COL18A1: variants seen among roughly 807,000 people sequenced by gnomAD.
The protein encoded by COL18A1 is collagen type XVIII alpha 1 chain.
A neutral mutation model predicts 168.0 loss-of-function variants in COL18A1; 133 were observed. The observed-to-expected ratio is 0.79, with a 90% CI of 0.69 to 0.91. COL18A1 has a LOEUF of 0.91. Ranked by LOEUF, COL18A1 falls within the 40% of genes least tolerant of loss-of-function variation. The probability of loss-of-function intolerance (pLI) is 0.00; values close to 1 mark genes in which losing one functional copy is unlikely to be tolerated. For missense variants in COL18A1, 2,126 were observed against 1,925.4 expected (o/e 1.10, Z -1.95); for synonymous variants, 949 against 809.0 (o/e 1.17, Z -2.94).
At chr21:45,494,068 G>A (rs574252794) in intron 26 of COL18A1, 1 of 288,398 alleles carries the variant, frequency 3.5e-6, no homozygotes, top group African/African-American at 2.2e-5. Flanking sequence ...GAGAAGCCTG[G>A]ATCTTTGGAG....
At position 45,477,895 on chromosome 21, in the gene COL18A1, C is replaced by T. The variant is rs918305461; in HGVS notation, c.1151C>T (p.Thr384Ile). Residue 384 changes from threonine to isoleucine, a missense_variant, in exon 8 of 42, where the codon ACT becomes ATT. Transcript: ENST00000651438. The part of the protein sequence containing the change: ...PLGPAGPALQ[T>I]VPGPQGPPGP... ...GGTCCTGCAGGCCCAGCGTTGCAAA[C>T]TGTCCCCGGACCACAAGGACCCCCA... The T allele has an allele frequency of 6.4e-7, 1 of 1,564,434 alleles. No individual in the cohort carries two copies. Among genetic ancestry groups the T allele is most frequent in the Non-Finnish European group, 8.7e-7 (1 of 1,154,530 alleles).
chr21:45,459,439 C>T (rs913214337), intron 2 of COL18A1, among the ~76,000 whole-genome samples: 1 of 152,198 alleles, frequency 6.6e-6, no homozygotes, highest in Non-Finnish European at 1.5e-5. Context: ...GGAGTATGTG[C>T]CCCTGAGGGG....
intron 2 of COL18A1, among the ~76,000 whole-genome samples, chr21:45,464,006 A>G (rs996630939): frequency 3.9e-5 from 6 of 152,226 alleles, no homozygotes; most frequent in African/African-American, 1.4e-4. Context: ...TGCGGGGAGA[A>G]ACTCCCTATG....
chr21:45,440,713 C>A (rs1325739714), intron 2 of COL18A1, among the ~76,000 whole-genome samples: 1 of 152,068 alleles, frequency 6.6e-6, no homozygotes, highest in East Asian at 1.9e-4. Context: ...CCACGTTCCC[C>A]GGAAGCAGTC....
Position 45,491,385 on chromosome 21 carries a change from G to GC in COL18A1, c.2157+79dup, listed in dbSNP as rs148502711. On this transcript the variant is annotated intron_variant, in intron 22 of 41. Transcript: ENST00000651438. ...ACGGGGTGCAGAGATCCCTCCCCGA[G>GC]CCCCCCCCACACCCCCACATCCCCC... The GC allele has an allele frequency of 0.38, 273,370 of 715,316 alleles. 51,689 individuals carry two copies. The highest frequency in any genetic ancestry group is 0.54 in the African/African-American group (25,535 of 47,442). 44.3% of individuals were successfully genotyped at this position (715,316 alleles called of 1,614,324 possible).
chr21:45,431,195 C>T (rs1257154263), intron 2 of COL18A1, among the ~76,000 whole-genome samples: 9 of 152,144 alleles, frequency 5.9e-5, no homozygotes, highest in Non-Finnish European at 8.8e-5. Context: ...CAAGGGTGGG[C>T]GACGGACAGA....
chr21:45,438,455 G>A (rs929374839), intron 2 of COL18A1, among the ~76,000 whole-genome samples: 2 of 152,220 alleles, frequency 1.3e-5, no homozygotes, highest in African/African-American at 4.8e-5. Flanking sequence ...GCTCATCCCT[G>A]GGTGCCTGGG....
rs539118914 is a variant in COL18A1, at chr21:45,472,227, T to G, written c.652-1668T>G. On this transcript the variant is annotated intron_variant, in intron 3 of 41. Coordinates refer to ENST00000651438, the MANE Select transcript of COL18A1 (RefSeq NM_001379500.1). ...CCAGTGGAGAAGCGCAGTTTTTTTT[T>G]TTTGTTTTTTTTTTGAGACGGAGTC... Among the ~76,000 whole-genome samples the G allele has an allele frequency of 3.9e-3, 595 of 151,730 alleles. 5 individuals are homozygous for G. The highest frequency in any genetic ancestry group is 0.012 in the African/African-American group (486 of 41,400).
chr21:45,405,596 C>T (rs1471671735), intron 2 of COL18A1, 123 bp downstream of exon 2: 26 of 508,796 alleles, frequency 5.1e-5, no homozygotes, highest in Non-Finnish European at 7.1e-5. Context: ...CCCGGCCCTG[C>T]CCACGCGCGC....
intron 2 of COL18A1, among the ~76,000 whole-genome samples, chr21:45,447,323 A>C (rs1391072345): frequency 6.6e-6 from 1 of 152,056 alleles, no homozygotes; most frequent in Non-Finnish European, 1.5e-5. Flanking sequence ...TAATCCACAA[A>C]AAAACTATTA....
chr21:45,491,476 C>T lies in COL18A1; in HGVS notation c.2157+162C>T, dbSNP rs74612549. Among the ~76,000 whole-genome samples, 24,983 of 151,498 alleles carry T rather than the reference C, an allele frequency of 0.16. 2,310 individuals carry two copies. The highest frequency in any genetic ancestry group is 0.2 in the African/African-American group (8,152 of 41,226). ...CCTCGGTGGGGGCTGCAGACGCCCT[C>T]GGTCAGAGACGCCTGGGGAGCCCAG... On this transcript the variant is annotated intron_variant, in intron 22 of 41. Coordinates refer to ENST00000651438, the MANE Select transcript of COL18A1 (RefSeq NM_001379500.1).
At chr21:45,495,883 A>G (rs2036521667) in intron 29 of COL18A1, 2 of 317,626 alleles carry the variant, frequency 6.3e-6, no homozygotes, top group South Asian at 2.8e-5. Flanking sequence ...ATGTGTATCC[A>G]CATACATGAC....
At position 45,507,603 on chromosome 21, in the gene COL18A1, C is replaced by CT. The variant is rs745740935; in HGVS notation, c.3249+16dup. ...ACTCCCACGAGGGACGGTAAGGAGCCTTTTTTCTGTTGAGACTGGTGGGTG... is the reference window on the plus strand; with the variant it reads ...ACTCCCACGAGGGACGGTAAGGAGCCTTTTTTTCTGTTGAGACTGGTGGGTG... On this transcript the variant is annotated intron_variant, in intron 38 of 41. Transcript: ENST00000651438. 7.4e-6 allele frequency: 12 copies of CT among 1,612,492 alleles called. No individual in the cohort carries two copies. In the East Asian group the frequency reaches 1.6e-4, roughly 21 times the overall value.
intron 2 of COL18A1, among the ~76,000 whole-genome samples, chr21:45,411,471 C>T (rs540201351): frequency 9.9e-5 from 15 of 152,206 alleles, no homozygotes; most frequent in African/African-American, 2.6e-4. Context: ...TGCGAGAGGC[C>T]GTGCCTGCCC....
chr21:45,426,342 T>G (rs2033799568), intron 2 of COL18A1, among the ~76,000 whole-genome samples: 1 of 152,150 alleles, frequency 6.6e-6, no homozygotes, highest in African/African-American at 2.4e-5. Flanking sequence ...TGACCTCAGG[T>G]GATCCGCCTG....
At chr21:45,502,435 AAAG>A (rs1238898177) in intron 32 of COL18A1, 1 of 152,272 alleles carries the variant, frequency 6.6e-6, no homozygotes, top group East Asian at 1.9e-4. Flanking sequence ...CTAAGATGTT[AAAG>A]AACAAACAGC....
At chr21:45,490,712 C>A in intron 20 of COL18A1, 124 bp from the exon 21 acceptor site, 3 of 1,051,698 alleles carry the variant, frequency 2.9e-6, no homozygotes, top group South Asian at 1.4e-5. Flanking sequence ...GTGGCTGCCT[C>A]CCTCCCAGGC....
intron 39 of COL18A1, 147 bp downstream of exon 39, chr21:45,509,748 TTGGCTGGCCCTG>T: frequency 1.4e-6 from 1 of 703,582 alleles, no homozygotes; most frequent in South Asian, 1.5e-5. Flanking sequence ...TCAGGGCGGC[TTGGCTGGCCCTG>T]GGACTTGCCC....
chr21:45,512,066 C>T (rs2037642853), intron 41 of COL18A1, 122 bp from the exon 42 acceptor site: 1 of 1,087,296 alleles, frequency 9.2e-7, no homozygotes, highest in Admixed American at 2.0e-5. Flanking sequence ...TTGTGGGAGC[C>T]TCTGCAGCCC....
Sources: gnomAD v4.1 joint callset for allele counts (sites outside exome capture counted in the v4.1 genomes callset) on GRCh38, gnomAD v4.1.1 for gene constraint, MANE v1.5 for transcripts, NCBI Gene and HGNC (gene_info 2026-07-23, HGNC 2026-07-21) for gene names.